Variants in SDK1 observed in about 807,000 individuals in gnomAD.
SDK1 encodes protein sidekick-1.
In SDK1, 157 loss-of-function variants were observed where a neutral mutation model predicts 245.5. The observed-to-expected ratio is 0.64, with a 90% CI of 0.56 to 0.73. The LOEUF (loss-of-function observed/expected upper bound fraction) is 0.73. SDK1 is among the 30% of genes least tolerant of loss of function. The pLI is 0.00. For missense variants in SDK1, 3,583 were observed against 3,002.3 expected (o/e 1.19, Z -4.52); for synonymous variants, 1,647 against 1,278.5 (o/e 1.29, Z -6.15).
intron 4 of SDK1, among the ~76,000 whole-genome samples, chr7:3,679,080 A>G (rs1784013322): frequency 1.3e-5 from 2 of 152,246 alleles, no homozygotes; most frequent in South Asian, 2.1e-4. Context: ...AACATGATCA[A>G]TACATGAAAA....
intron 1 of SDK1, among the ~76,000 whole-genome samples, chr7:3,492,322 G>C (rs985686803): frequency 1.3e-5 from 2 of 152,050 alleles, no homozygotes; most frequent in African/African-American, 4.8e-5. Flanking sequence ...GTGAAACCCC[G>C]TCTCTACTAA....
At chr7:3,685,528 C>T (rs762171395) in intron 4 of SDK1, among the ~76,000 whole-genome samples, 1 of 151,942 alleles carries the variant, frequency 6.6e-6, no homozygotes, top group African/African-American at 2.4e-5. Flanking sequence ...AATGTTGGAG[C>T]GCAGAAAAAT....
chr7:3,401,965 T>A (rs1366441287), intron 1 of SDK1, among the ~76,000 whole-genome samples: 1 of 152,132 alleles, frequency 6.6e-6, no homozygotes, highest in African/African-American at 2.4e-5. Context: ...ACTGCATCTG[T>A]CGATTAGGAG....
chr7:3,771,089 C>A lies in SDK1; in HGVS notation c.714-50361C>A. Among the ~76,000 whole-genome samples, 2 of 152,124 alleles carry A rather than the reference C, an allele frequency of 1.3e-5. 1 individual carries two copies. Among genetic ancestry groups the A allele is most frequent in the South Asian group, 4.2e-4 (2 of 4,808 alleles). On this transcript the variant is annotated intron_variant, in intron 4 of 44. Transcript: ENST00000404826. ...AAGTCAAATAGGTGGCTCTGCTGATCTGGACTGAGCTGCCTCACATGTTTG... is the reference window on the plus strand; with the variant it reads ...AAGTCAAATAGGTGGCTCTGCTGATATGGACTGAGCTGCCTCACATGTTTG...
At chr7:3,635,802 G>T (rs1321329265) in intron 2 of SDK1, among the ~76,000 whole-genome samples, 1 of 152,112 alleles carries the variant, frequency 6.6e-6, no homozygotes, top group East Asian at 1.9e-4. Flanking sequence ...CACCTCCCGG[G>T]GTCAGGTGAT....
intron 4 of SDK1, among the ~76,000 whole-genome samples, chr7:3,653,900 A>G (rs889224032): frequency 2.0e-5 from 3 of 152,136 alleles, no homozygotes; most frequent in Non-Finnish European, 2.9e-5. Flanking sequence ...TTCCTCCTGG[A>G]GCAGTTGTGA....
intron 5 of SDK1, among the ~76,000 whole-genome samples, chr7:3,878,122 T>C (rs1781118090): frequency 1.3e-5 from 2 of 152,250 alleles, no homozygotes; most frequent in South Asian, 4.1e-4. Flanking sequence ...TAAAACATTT[T>C]TATAGTCTTT....
At chr7:4,069,204 G>A (rs73302747) in intron 20 of SDK1, among the ~76,000 whole-genome samples, 4 of 152,186 alleles carry the variant, frequency 2.6e-5, no homozygotes, top group Admixed American at 1.3e-4. Context: ...GGGATCCTCA[G>A]TTACAACTGA....
intron 4 of SDK1, among the ~76,000 whole-genome samples, chr7:3,705,009 T>G (rs1784844163): frequency 1.3e-5 from 2 of 152,184 alleles, no homozygotes; most frequent in South Asian, 4.1e-4. Context: ...AGTATTTGGC[T>G]TTATTTCTAG....
chr7:3,567,853 A>G (rs968589383), intron 1 of SDK1, among the ~76,000 whole-genome samples: 2 of 152,154 alleles, frequency 1.3e-5, no homozygotes, highest in African/African-American at 4.8e-5. Flanking sequence ...GCCCTGTTGC[A>G]TAGGCTGCAG....
intron 4 of SDK1, among the ~76,000 whole-genome samples, chr7:3,691,175 A>T (rs114970144): frequency 0.015 from 1,134 of 75,378 alleles, 16 homozygotes; most frequent in African/African-American, 0.053. Flanking sequence ...CATGAATTCA[A>T]ATGTATACGA....
intron 4 of SDK1, among the ~76,000 whole-genome samples, chr7:3,805,289 T>A (rs1036106451): frequency 1.3e-5 from 2 of 152,244 alleles, no homozygotes; most frequent in Non-Finnish European, 2.9e-5. Flanking sequence ...CTTTGTAGAT[T>A]CCTTGGTATT....
intron 1 of SDK1, among the ~76,000 whole-genome samples, chr7:3,382,179 C>T (rs898040059): frequency 4.0e-5 from 6 of 151,712 alleles, no homozygotes; most frequent in East Asian, 3.9e-4. Flanking sequence ...CTTTGTTTCC[C>T]AGGCTGGTCT....
intron 1 of SDK1, among the ~76,000 whole-genome samples, chr7:3,454,388 TTGTGTGTGTGTGTGTG>T (rs60437983): frequency 7.1e-6 from 1 of 141,684 alleles, no homozygotes; most frequent in Non-Finnish European, 1.5e-5. Context: ...TCCCCAAGAT[TTGTGTGTGTGTGTGTG>T]TGTGTGTGTG....
intron 4 of SDK1, among the ~76,000 whole-genome samples, chr7:3,814,614 A>G (rs373566116): frequency 1.1e-4 from 16 of 152,092 alleles, no homozygotes; most frequent in Non-Finnish European, 1.9e-4. Context: ...TTGGTTCCAC[A>G]TGAACTTTAA....
At chr7:3,842,289 C>G (rs1052707388) in intron 5 of SDK1, among the ~76,000 whole-genome samples, 1 of 152,188 alleles carries the variant, frequency 6.6e-6, no homozygotes, top group Non-Finnish European at 1.5e-5. Flanking sequence ...GTGTTAGAGT[C>G]CTGCATCCCG....
intron 1 of SDK1, among the ~76,000 whole-genome samples, chr7:3,585,015 C>T (rs1003074740): frequency 3.3e-5 from 5 of 152,146 alleles, no homozygotes; most frequent in East Asian, 3.9e-4. Context: ...TGAGCCACCG[C>T]GCCCAGCCAA....
At chr7:3,599,719 C>G (rs968394462) in intron 1 of SDK1, among the ~76,000 whole-genome samples, 1 of 152,150 alleles carries the variant, frequency 6.6e-6, no homozygotes, top group Non-Finnish European at 1.5e-5. Context: ...AAGTCTGTCC[C>G]TCCTCCACTG....
At chr7:3,442,039 C>G (rs183872520) in intron 1 of SDK1, among the ~76,000 whole-genome samples, 18 of 152,248 alleles carry the variant, frequency 1.2e-4, no homozygotes, top group African/African-American at 4.1e-4. Context: ...TTGACCGTTA[C>G]GTGTACTCAC....
Sources: gnomAD v4.1 joint callset for allele counts (sites outside exome capture counted in the v4.1 genomes callset) on GRCh38, gnomAD v4.1.1 for gene constraint, MANE v1.5 for transcripts, NCBI Gene and HGNC (gene_info 2026-07-23, HGNC 2026-07-21) for gene names.